Variants in NUDT5 observed in about 807,000 individuals in gnomAD.
NUDT5 encodes the protein nudix hydrolase 5, also known as ADP-sugar pyrophosphatase.
In NUDT5, 21 loss-of-function variants were observed where a neutral mutation model predicts 34.1. That is an observed-to-expected ratio of 0.62 (90% confidence interval 0.44 to 0.89). The LOEUF is 0.89. NUDT5 is among the 40% of genes least tolerant of loss of function. The pLI is 0.00. For missense variants in NUDT5, 249 were observed against 274.8 expected, an observed-to-expected ratio of 0.91 and a Z score of 0.66; for synonymous variants, 85 against 97.6, an observed-to-expected ratio of 0.87 and a Z score of 0.76.
rs919538368 is a variant in NUDT5, at chr10:12,170,352, C to A, written c.550+365G>T. 2.4e-5 allele frequency: 17 copies of A among 708,042 alleles called. No individual in the cohort carries two copies. In the East Asian group the frequency reaches 3.9e-4, roughly 16 times the overall value. The allele number at this position is 708,042 out of a possible 1,614,324, so 43.9% of individuals were successfully genotyped here. ...CCTCCACAAAGGACCATCCCTCATA[C>A]TAGCATACTTGAGGAAAAGCTAACA... On this transcript the variant is annotated intron_variant, in intron 9 of 9. Coordinates refer to ENST00000491614, the MANE Select transcript of NUDT5 (RefSeq NM_014142.4). The surrounding 1 kb of genome is among the most constrained non-coding windows in gnomAD (Gnocchi z 4.9).
At chr10:12,186,006 A>C (rs1283578642) in intron 2 of NUDT5, among the ~76,000 whole-genome samples, 1 of 152,196 alleles carries the variant, frequency 6.6e-6, no homozygotes, top group African/African-American at 2.4e-5. Flanking sequence ...TTTTCTGTTA[A>C]GAGCCCAAAT....
chr10:12,192,953 T>TC (rs1835259318), intron 1 of NUDT5, among the ~76,000 whole-genome samples: 4 of 151,826 alleles, frequency 2.6e-5, no homozygotes, highest in East Asian at 1.9e-4. Flanking sequence ...GGTTTTTTTT[T>TC]CATTCTCTTC....
chr10:12,169,191 T>A lies in NUDT5; in HGVS notation c.551-1380A>T. Reference sequence around the variant, plus strand: ...AACTTGGTTCTTTTACCCCTCCTCCTTTATAGCCATAGTAGCCCTCTCTCC... The same window carrying A: ...AACTTGGTTCTTTTACCCCTCCTCCATTATAGCCATAGTAGCCCTCTCTCC... On this transcript the variant is annotated intron_variant, in intron 9 of 9. Coordinates refer to ENST00000491614, the MANE Select transcript of NUDT5 (RefSeq NM_014142.4). The surrounding 1 kb of genome is among the most constrained non-coding windows in gnomAD (Gnocchi z 4.8). 1 of 1,066,258 alleles carries A rather than the reference T, an allele frequency of 9.4e-7. No homozygotes were observed. Among genetic ancestry groups the A allele is most frequent in the African/African-American group, 1.6e-5 (1 of 62,570 alleles). 66.0% of individuals were successfully genotyped at this position (1,066,258 alleles called of 1,614,324 possible). A position where few individuals can be genotyped will look rare whatever the true frequency, so the allele number is the denominator to read the frequency against.
At chr10:12,174,042 A>G (rs1834906951) in intron 5 of NUDT5, among the ~76,000 whole-genome samples, 1 of 151,684 alleles carries the variant, frequency 6.6e-6, no homozygotes, top group African/African-American at 2.4e-5. Context: ...AATTTTTTGT[A>G]TTTTTAGTAG....
In NUDT5 at chr10:12,165,499, C is replaced by T. The variant is rs1221465377; in HGVS notation, c.*2203G>A. ...AAGTCAAATGTAATTACACTTCAAA[C>T]TTTAATCCTAAATTATTGACAGATA... On this transcript the variant is annotated 3_prime_UTR_variant, in exon 10 of 10. Coordinates refer to ENST00000491614, the MANE Select transcript of NUDT5 (RefSeq NM_014142.4). 2.9e-6 allele frequency: 1 copy of T among 341,486 alleles called. No individual in the cohort carries two copies. Among genetic ancestry groups the T allele is most frequent in the Non-Finnish European group, 4.1e-6 (1 of 241,520 alleles). The allele number at this position is 341,486 out of a possible 1,614,324, so 21.2% of individuals were successfully genotyped here.
At chr10:12,185,090 G>T in intron 2 of NUDT5, 134 bp from the exon 3 acceptor site, 1 of 559,744 alleles carries the variant, frequency 1.8e-6, no homozygotes, top group Non-Finnish European at 3.2e-6. Context: ...ATAATCTGTG[G>T]GCACGTTTTT....
intron 1 of NUDT5, among the ~76,000 whole-genome samples, chr10:12,194,605 ATTTT>A (rs1225600395): frequency 1.3e-5 from 2 of 152,230 alleles, no homozygotes; most frequent in Non-Finnish European, 2.9e-5. Flanking sequence ...AGCCAGTAAC[ATTTT>A]TGAGAAAAAC....
chr10:12,188,180 A>G (rs373731285), intron 1 of NUDT5, among the ~76,000 whole-genome samples: 31 of 151,942 alleles, frequency 2.0e-4, no homozygotes, highest in African/African-American at 7.0e-4. Context: ...CCCAGCATCA[A>G]CTCTCTTCCC....
rs1834832540 is a variant in NUDT5, at chr10:12,170,477, G to C, written c.550+240C>G. 3.2e-6 allele frequency: 2 copies of C among 621,878 alleles called. No individual in the cohort carries two copies. Among genetic ancestry groups the C allele is most frequent in the Non-Finnish European group, 2.8e-6 (1 of 352,718 alleles). The allele number at this position is 621,878 out of a possible 1,614,324, so 38.5% of individuals were successfully genotyped here. A position where few individuals can be genotyped will look rare whatever the true frequency, so the allele number is the denominator to read the frequency against. ...GAATGTCATCTGGGCCATTCTGTAGGAGAAAAAGCCTCTACCAAAAGTTTG... is the reference window on the plus strand; with the variant it reads ...GAATGTCATCTGGGCCATTCTGTAGCAGAAAAAGCCTCTACCAAAAGTTTG... On this transcript the variant is annotated intron_variant, in intron 9 of 9. Transcript: ENST00000491614. This position sits in a 1 kb window ranked among gnomAD's most constrained non-coding sequence, Gnocchi z 4.9.
chr10:12,166,416 G>A lies in NUDT5; in HGVS notation c.*1286C>T, dbSNP rs1834694656. The A allele has an allele frequency of 5.8e-6, 1 of 172,588 alleles. No homozygotes were observed. The highest frequency in any genetic ancestry group is 1.2e-4 in the South Asian group (1 of 8,468). 10.7% of individuals were successfully genotyped at this position (172,588 alleles called of 1,614,324 possible). A position where few individuals can be genotyped will look rare whatever the true frequency, so the allele number is the denominator to read the frequency against. On this transcript the variant is annotated 3_prime_UTR_variant, in exon 10 of 10. Transcript: ENST00000491614. ...AGTAGTTGGATCTTAATTTTCACAT[G>A]TATAGGGCTAGACAGCTTCATCTGT...
chr10:12,178,483 C>CTT, intron 4 of NUDT5, among the ~76,000 whole-genome samples: 1 of 152,298 alleles, frequency 6.6e-6, no homozygotes, highest in South Asian at 2.1e-4. Context: ...ATCTGTGAAG[C>CTT]CAGCAGCAGC....
intron 5 of NUDT5, among the ~76,000 whole-genome samples, chr10:12,174,704 G>A (rs111826018): frequency 1.0e-3 from 156 of 152,312 alleles, no homozygotes; most frequent in African/African-American, 3.7e-3. Context: ...CCATCTCCAC[G>A]CTGCTCTGCA....
At chr10:12,190,924 T>C (rs1428728488) in intron 1 of NUDT5, among the ~76,000 whole-genome samples, 2 of 151,970 alleles carry the variant, frequency 1.3e-5, no homozygotes, top group Non-Finnish European at 2.9e-5. Context: ...TTTTAAAAGA[T>C]AGTTTGATGT....
rs1835039652 is a variant in NUDT5, at chr10:12,181,475, T to A, written c.132-2343A>T. Among the ~76,000 whole-genome samples the A allele has an allele frequency of 1.3e-5, 2 of 152,312 alleles. No homozygotes were observed. Among genetic ancestry groups the A allele is most frequent in the East Asian group, 1.9e-4 (1 of 5,186 alleles). On this transcript the variant is annotated intron_variant, in intron 3 of 9. Coordinates refer to ENST00000491614, the MANE Select transcript of NUDT5 (RefSeq NM_014142.4). This position sits in a 1 kb window ranked among gnomAD's most constrained non-coding sequence, Gnocchi z 5.0. ...TGAAATATTTGCCTTACCCTCTGGGTGTCATGCAGGCCTTTTTGACATTTT... is the reference window on the plus strand; with the variant it reads ...TGAAATATTTGCCTTACCCTCTGGGAGTCATGCAGGCCTTTTTGACATTTT...
rs530557444 is a variant in NUDT5 at position 12,182,362 on chromosome 10, G to A, written c.131+2527C>T. Among the ~76,000 whole-genome samples the A allele has an allele frequency of 6.6e-6, 1 of 152,206 alleles. No homozygotes were observed. The highest frequency in any genetic ancestry group is 2.4e-5 in the African/African-American group (1 of 41,528). On this transcript the variant is annotated intron_variant, in intron 3 of 9. Transcript: ENST00000491614. This position sits in a 1 kb window ranked among gnomAD's most constrained non-coding sequence, Gnocchi z 4.3. ...GATTAGGGCTGCTCAACCTGTACAC[G>A]CAGGCTTTTATATCAGGTCAGAGAT... is the stretch of plus-strand genomic sequence containing the variant.
rs1465474173 is a variant in NUDT5 at position 12,168,091 on chromosome 10, C to G, written c.551-280G>C. Among the ~76,000 whole-genome samples the G allele has an allele frequency of 1.3e-5, 2 of 150,806 alleles. No homozygotes were observed. Among genetic ancestry groups the G allele is most frequent in the Non-Finnish European group, 2.9e-5 (2 of 67,942 alleles). ...CCAAGCTAGAGGGCAATGGCGTGAT[C>G]TCGGCTCACTGCAACCTCTGCCTCC... is the stretch of plus-strand genomic sequence containing the variant. On this transcript the variant is annotated intron_variant, in intron 9 of 9. Transcript: ENST00000491614. The surrounding 1 kb of genome is among the most constrained non-coding windows in gnomAD (Gnocchi z 4.8).
chr10:12,171,868 G>T lies in NUDT5; in HGVS notation c.487+897C>A, dbSNP rs1014714931. Among the ~76,000 whole-genome samples, 2 of 151,848 alleles carry T rather than the reference G, an allele frequency of 1.3e-5. No individual in the cohort carries two copies. The highest frequency in any genetic ancestry group is 2.9e-5 in the Non-Finnish European group (2 of 67,960). On this transcript the variant is annotated intron_variant, in intron 7 of 9. Transcript: ENST00000491614. This position sits in a 1 kb window ranked among gnomAD's most constrained non-coding sequence, Gnocchi z 4.2. ...GCTTCCCGAGTAGCTGGGATTACAG[G>T]TGCGCACCACCATGCCTGGCTAATT...
In NUDT5 at chr10:12,175,915, T is replaced by C. The variant is rs1438331998; in HGVS notation, c.289+1878A>G. Among the ~76,000 whole-genome samples, 1 of 152,090 alleles carries C rather than the reference T, an allele frequency of 6.6e-6. No individual in the cohort carries two copies. Among genetic ancestry groups the C allele is most frequent in the East Asian group, 1.9e-4 (1 of 5,168 alleles). On this transcript the variant is annotated intron_variant, in intron 5 of 9. Coordinates refer to ENST00000491614, the MANE Select transcript of NUDT5 (RefSeq NM_014142.4). The surrounding 1 kb of genome is among the most constrained non-coding windows in gnomAD (Gnocchi z 4.8). Reference sequence around the variant, plus strand: ...AAAGAAAAAGTGAGAGAAGAATTTATTCACGTTAATATTAAAAGTAATTAA... The same window carrying C: ...AAAGAAAAAGTGAGAGAAGAATTTACTCACGTTAATATTAAAAGTAATTAA...
rs956737401 is a variant in NUDT5, at chr10:12,169,936, C to T, written c.550+781G>A. The T allele has an allele frequency of 6.0e-5, 34 of 569,798 alleles. No individual in the cohort carries two copies. The South Asian group carries it at 7.6e-4, about 13-fold the overall frequency. The allele number at this position is 569,798 out of a possible 1,614,324, so 35.3% of individuals were successfully genotyped here. A position where few individuals can be genotyped will look rare whatever the true frequency, so the allele number is the denominator to read the frequency against. ...TATCAATTACCTAAAACACTTATAC[C>T]CAATAAAATATTCCCATGATGACAA... On this transcript the variant is annotated intron_variant, in intron 9 of 9. Transcript: ENST00000491614. This position sits in a 1 kb window ranked among gnomAD's most constrained non-coding sequence, Gnocchi z 4.8.
Sources: gnomAD v4.1 joint callset for allele counts (sites outside exome capture counted in the v4.1 genomes callset) on GRCh38, gnomAD v4.1.1 for gene constraint, Gnocchi (gnomAD v3.1) non-coding constraint, MANE v1.5 for transcripts, NCBI Gene and HGNC (gene_info 2026-07-23, HGNC 2026-07-21) for gene names.